AQR: variants seen among roughly 807,000 people sequenced by gnomAD.
AQR encodes the protein RNA helicase aquarius.
A neutral mutation model predicts 180.5 loss-of-function variants in AQR; 61 were observed. The ratio of observed to expected loss-of-function variants is 0.34; its 90% CI spans 0.28 to 0.42. AQR has a LOEUF of 0.42. AQR is among the 10% of genes least tolerant of loss of function. The pLI is 1.00. For synonymous variants in AQR, 551 were observed against 588.8 expected (o/e 0.94, Z 0.93); for missense variants, 1,281 against 1,798.3 (o/e 0.71, Z 5.20).
intron 34 of AQR, among the ~76,000 whole-genome samples, chr15:34,857,986 G>A (rs937580241): frequency 5.2e-4 from 79 of 152,084 alleles, no homozygotes; most frequent in Non-Finnish European, 1.2e-4. Flanking sequence ...TTGATTGATC[G>A]ATTGATTGAT....
intron 32 of AQR, among the ~76,000 whole-genome samples, chr15:34,864,238 C>T (rs990007829): frequency 5.3e-5 from 8 of 151,966 alleles, no homozygotes; most frequent in African/African-American, 1.9e-4. Flanking sequence ...CAGTGTGACA[C>T]CAGCATATGC....
intron 8 of AQR, among the ~76,000 whole-genome samples, chr15:34,939,418 C>T (rs150465918): frequency 2.0e-5 from 3 of 152,082 alleles, no homozygotes; most frequent in African/African-American, 7.2e-5. Context: ...CAAGTCAGAC[C>T]GAGAAAGAAG....
chr15:34,934,437 T>C (rs572926561), intron 10 of AQR, 134 bp downstream of exon 10: 23 of 372,248 alleles, frequency 6.2e-5, no homozygotes, highest in Admixed American at 9.4e-5. Context: ...ATGTGAGAAA[T>C]TGAAATATAT....
chr15:34,955,560 C>A (rs1198936709), intron 3 of AQR, among the ~76,000 whole-genome samples: 1 of 152,208 alleles, frequency 6.6e-6, no homozygotes, highest in Non-Finnish European at 1.5e-5. Context: ...GAGCTACCTA[C>A]TTCCAGATCT....
rs188552767 is a variant in AQR, at chr15:34,969,179, T to C, written c.75+360A>G. 4.8e-3 allele frequency among the ~76,000 whole-genome samples: 729 copies of C among 152,304 alleles called. 5 individuals carry two copies. The highest frequency in any genetic ancestry group is 8.2e-3 in the Non-Finnish European group (561 of 68,026). On this transcript the variant is annotated intron_variant, in intron 1 of 34. Coordinates refer to ENST00000156471, the MANE Select transcript of AQR (RefSeq NM_014691.3). ...ACTTGAAGAGGCAGTCCAGCATCAC[T>C]CTGCTGCGAAGCCTACTTGCCAGTC...
At chr15:34,920,645 A>T (rs776498847) in intron 13 of AQR, among the ~76,000 whole-genome samples, 1 of 152,192 alleles carries the variant, frequency 6.6e-6, no homozygotes, top group Non-Finnish European at 1.5e-5. Context: ...CCTTCTGGGC[A>T]GTCCCCAAGA....
intron 20 of AQR, among the ~76,000 whole-genome samples, chr15:34,898,852 C>T (rs560986215): frequency 6.8e-6 from 1 of 147,906 alleles, no homozygotes; most frequent in South Asian, 2.1e-4. Flanking sequence ...CCACTGCACT[C>T]CAGCCCGGGT....
At chr15:34,958,001 G>A (rs1268663514) in intron 3 of AQR, among the ~76,000 whole-genome samples, 3 of 151,922 alleles carry the variant, frequency 2.0e-5, no homozygotes, top group Admixed American at 6.6e-5. Flanking sequence ...AAGGTCGGGA[G>A]ATCGAGACCA....
In AQR at chr15:34,867,095, T is replaced by G. The variant is rs575095324; in HGVS notation, c.3854+429A>C. Among the ~76,000 whole-genome samples the G allele has an allele frequency of 3.3e-5, 5 of 152,228 alleles. No homozygotes were observed. In the South Asian group the frequency reaches 1.0e-3, roughly 32 times the overall value. ...GATTGTTTGTTTTGACAATTCTTAA[T>G]CCAGGGAGAACAAATGGCTCCTTTA... On this transcript the variant is annotated intron_variant, in intron 32 of 34. Coordinates refer to ENST00000156471, the MANE Select transcript of AQR (RefSeq NM_014691.3).
At chr15:34,904,270 G>T in intron 19 of AQR, 66 bp downstream of exon 19, 1 of 1,209,844 alleles carries the variant, frequency 8.3e-7, no homozygotes. Context: ...AAATATCTCT[G>T]TATTTATGTC....
intron 4 of AQR, among the ~76,000 whole-genome samples, chr15:34,949,605 C>CAAAAAA (rs538711417): frequency 1.0e-3 from 51 of 49,650 alleles, no homozygotes; most frequent in African/African-American, 3.8e-3. Flanking sequence ...GACTCCGTCA[C>CAAAAAA]AAAAAAAAAA....
intron 27 of AQR, among the ~76,000 whole-genome samples, chr15:34,879,677 T>C (rs1362147570): frequency 6.6e-6 from 1 of 152,126 alleles, no homozygotes; most frequent in African/African-American, 2.4e-5. Flanking sequence ...CGAGCCCCTT[T>C]TGCTTGGTAA....
rs1313990838 is a variant in AQR, at chr15:34,853,087, A to C, written c.*3705T>G. ...GTGGATGAAGAAAAAATAGTCTCACATGTCTTCATTTCCATCCTTGGCTCA... is the reference window on the plus strand; with the variant it reads ...GTGGATGAAGAAAAAATAGTCTCACCTGTCTTCATTTCCATCCTTGGCTCA... On this transcript the variant is annotated 3_prime_UTR_variant, in exon 35 of 35. Coordinates refer to ENST00000156471, the MANE Select transcript of AQR (RefSeq NM_014691.3). 6.6e-6 allele frequency: 1 copy of C among 152,190 alleles called. No individual in the cohort carries two copies. Among genetic ancestry groups the C allele is most frequent in the African/African-American group, 2.4e-5 (1 of 41,444 alleles). 9.4% of individuals were successfully genotyped at this position (152,190 alleles called of 1,614,324 possible).
At chr15:34,961,672 A>G (rs2050280264) in intron 2 of AQR, among the ~76,000 whole-genome samples, 1 of 149,892 alleles carries the variant, frequency 6.7e-6, no homozygotes, top group Non-Finnish European at 1.5e-5. Context: ...CAAAAAAAAA[A>G]AAAAAAGAAA....
chr15:34,950,178 C>A (rs1894204128), intron 4 of AQR, among the ~76,000 whole-genome samples: 1 of 148,908 alleles, frequency 6.7e-6, no homozygotes, highest in African/African-American at 2.5e-5. Context: ...CAACCTCTGC[C>A]TCCTGGGTTC....
chr15:34,896,657 G>C (rs2140474511), intron 22 of AQR, among the ~76,000 whole-genome samples: 1 of 152,064 alleles, frequency 6.6e-6, no homozygotes, highest in South Asian at 2.1e-4. Flanking sequence ...AGACCAGACT[G>C]GCCAACATGG....
chr15:34,896,889 T>A lies in AQR; in HGVS notation c.2460+8A>T, dbSNP rs1159904999. ...CAAACAAACAAACAGGTGTAACAAT[T>A]CTCTTACCATAGTCAGCCCAGGCTG... On this transcript the variant is annotated splice_region_variant and intron_variant, in intron 22 of 34. Transcript: ENST00000156471. 6.2e-7 allele frequency: 1 copy of A among 1,605,462 alleles called. No individual in the cohort carries two copies. Among genetic ancestry groups the A allele is most frequent in the Non-Finnish European group, 8.5e-7 (1 of 1,172,210 alleles).
chr15:34,906,692 A>C lies in AQR; in HGVS notation c.1684T>G (p.Cys562Gly). The C allele has an allele frequency of 6.2e-6, 10 of 1,613,772 alleles. No homozygotes were observed. The highest frequency in any genetic ancestry group is 8.5e-6 in the Non-Finnish European group (10 of 1,179,850). The change falls in exon 18 of 35, where the codon TGC (cysteine) becomes GGC (glycine). Residue 562 changes from cysteine to glycine, a missense_variant. Cys to Gly is a radical substitution (Grantham distance 159). Coordinates refer to ENST00000156471, the MANE Select transcript of AQR (RefSeq NM_014691.3). The part of the protein sequence containing the change: ...EWEGLRKHDV[C>G]FLITVRPTKP... Reference sequence around the variant, plus strand: ...GTGGGACGTACGGTAATTAAAAAGCATACATCATGCTTACGAAGACCTGGT... The same window carrying C: ...GTGGGACGTACGGTAATTAAAAAGCCTACATCATGCTTACGAAGACCTGGT...
At chr15:34,938,938 A>G (rs994420392) in intron 8 of AQR, 125 bp from the exon 9 acceptor site, 3 of 645,404 alleles carry the variant, frequency 4.6e-6, no homozygotes, top group South Asian at 4.0e-5. Flanking sequence ...AGCTGGGACT[A>G]TAACTTCAAT....
Sources: allele counts gnomAD v4.1 joint callset (sites outside exome capture counted in the v4.1 genomes callset), GRCh38; gene constraint gnomAD v4.1.1; transcripts MANE v1.5; gene names NCBI Gene and HGNC (gene_info 2026-07-23, HGNC 2026-07-21).